The following GLIPR1L2 variants were observed in gnomAD, a reference collection of about 807,000 sequenced individuals.
The protein encoded by GLIPR1L2 is GLIPR1 like 2, also known as GLIPR1-like protein 2.
A neutral mutation model predicts 28.4 loss-of-function variants in GLIPR1L2; 21 were observed. That is an observed-to-expected ratio of 0.74 (90% confidence interval 0.52 to 1.06). The LOEUF (loss-of-function observed/expected upper bound fraction) is 1.06, where lower values mean the gene tolerates loss of function less well. Ranked by LOEUF, GLIPR1L2 falls within the 50% of genes least tolerant of loss-of-function variation. The pLI is 0.00. For synonymous variants in GLIPR1L2, 145 were observed against 139.3 expected (o/e 1.04, Z -0.29); for missense variants, 476 against 416.9 (o/e 1.14, Z -1.23).
chr12:75,424,514 T>C (rs2046013510), intron 4 of GLIPR1L2, among the ~76,000 whole-genome samples: 1 of 152,106 alleles, frequency 6.6e-6, no homozygotes, highest in African/African-American at 2.4e-5. Context: ...GGCATGATCA[T>C]AGCTCACTGT....
At position 75,422,916 on chromosome 12, in the gene GLIPR1L2, G is replaced by C. The variant is rs776067780; in HGVS notation, c.597G>C (p.Thr199=). The C allele has an allele frequency of 6.2e-7, 1 of 1,608,708 alleles. No homozygotes were observed. The highest frequency in any genetic ancestry group is 8.5e-7 in the Non-Finnish European group (1 of 1,178,536). Residue 199 remains threonine (T), a synonymous_variant, in exon 4 of 6, where the codon ACG becomes ACC. Coordinates refer to ENST00000550916, the MANE Select transcript of GLIPR1L2 (RefSeq NM_001270396.2). Reference sequence around the variant, plus strand: ...TTTTTGTTTGTAGAGGAACACTGACGAGAAGACCTTATGAACCAGGAATAT... The same window carrying C: ...TTTTTGTTTGTAGAGGAACACTGACCAGAAGACCTTATGAACCAGGAATAT... The part of the protein sequence containing the change: ...ICNYAPGGTL[T]RRPYEPGIFC...
intron 1 of GLIPR1L2, among the ~76,000 whole-genome samples, chr12:75,399,959 C>T (rs1179625752): frequency 6.6e-6 from 1 of 152,146 alleles, no homozygotes; most frequent in Non-Finnish European, 1.5e-5. Context: ...AATGGTATCC[C>T]TAAACGGTTA....
intron 1 of GLIPR1L2, among the ~76,000 whole-genome samples, chr12:75,405,990 T>C (rs2045794698): frequency 1.4e-5 from 2 of 147,396 alleles, no homozygotes; most frequent in Admixed American, 6.9e-5. Context: ...TAAGAAATTG[T>C]CAAAAGTTTT....
At chr12:75,416,300 G>A (rs979337082) in intron 3 of GLIPR1L2, among the ~76,000 whole-genome samples, 3 of 152,114 alleles carry the variant, frequency 2.0e-5, no homozygotes, top group Non-Finnish European at 2.9e-5. Context: ...ATGAGAAGCA[G>A]ATAGCCATAT....
At chr12:75,423,083 A>G (rs1306485670) in intron 4 of GLIPR1L2, 94 bp downstream of exon 4, 11 of 1,596,874 alleles carry the variant, frequency 6.9e-6, no homozygotes, top group Non-Finnish European at 9.4e-6. Context: ...TCATGTTAAT[A>G]TTATTCCTTT....
intron 2 of GLIPR1L2, among the ~76,000 whole-genome samples, chr12:75,411,214 T>C (rs2045863508): frequency 6.6e-6 from 1 of 151,912 alleles, no homozygotes; most frequent in South Asian, 2.1e-4. Flanking sequence ...TTAACAATAA[T>C]TTATTTATAT....
At chr12:75,413,286 G>A (rs2045889362) in intron 2 of GLIPR1L2, among the ~76,000 whole-genome samples, 1 of 151,338 alleles carries the variant, frequency 6.6e-6, no homozygotes, top group African/African-American at 2.4e-5. Context: ...CATGGCACAT[G>A]TATACATATG....
chr12:75,428,453 C>T lies in GLIPR1L2; in HGVS notation c.671-2262C>T, dbSNP rs1292961894. 8.5e-5 allele frequency among the ~76,000 whole-genome samples: 13 copies of T among 152,120 alleles called. No homozygotes were observed. In the East Asian group the frequency reaches 9.6e-4, roughly 11 times the overall value. On this transcript the variant is annotated intron_variant, in intron 4 of 5. Transcript: ENST00000550916. ...AGAGATGATCTGAAATTAAAACCTA[C>T]GTTTAAAAGGGAAGCAGAGCATAAA...
chr12:75,417,504 G>T (rs2045934980), intron 3 of GLIPR1L2, among the ~76,000 whole-genome samples: 1 of 152,118 alleles, frequency 6.6e-6, no homozygotes, highest in Non-Finnish European at 1.5e-5. Context: ...ATGCAGAATG[G>T]AAGAATAAAA....
intron 1 of GLIPR1L2, among the ~76,000 whole-genome samples, chr12:75,401,871 AACTG>A (rs1233743660): frequency 3.7e-4 from 56 of 152,256 alleles, no homozygotes; most frequent in African/African-American, 1.2e-3. Context: ...ATTTTACAGA[AACTG>A]ACTGACAATA....
At position 75,417,124 on chromosome 12, in the gene GLIPR1L2, A is replaced by G. The variant is rs146404566; in HGVS notation, c.584+3423A>G. 3.4e-3 allele frequency among the ~76,000 whole-genome samples: 515 copies of G among 152,224 alleles called. 5 individuals are homozygous for G. The highest frequency in any genetic ancestry group is 0.012 in the African/African-American group (485 of 41,538). On this transcript the variant is annotated intron_variant, in intron 3 of 5. Transcript: ENST00000550916. ...ATGGCAAAAGTGTGAATATTACCTA[A>G]TATGGCAAAGATGTGGTTAATATAA...
Position 75,391,160 on chromosome 12 carries a change from CCCT to C in GLIPR1L2, c.45_47del (p.Leu16del), listed in dbSNP as rs1324195062. 3 of 1,613,996 alleles carry C rather than the reference CCCT, an allele frequency of 1.9e-6. No individual in the cohort carries two copies. In the African/African-American group the frequency reaches 4.0e-5, roughly 22 times the overall value. On this transcript the variant is annotated inframe_deletion, in exon 1 of 6. Coordinates refer to ENST00000550916, the MANE Select transcript of GLIPR1L2 (RefSeq NM_001270396.2). ...TTCGCCCGGGAGTGGAGGGCCCAGT[CCCT>C]ACCCCTGGCAGTAGGGGGCGTTTTG...
intron 1 of GLIPR1L2, among the ~76,000 whole-genome samples, chr12:75,394,763 C>CAAAAATAAAAAAAAAA (rs2045664960): frequency 1.2e-5 from 1 of 80,258 alleles, no homozygotes; most frequent in African/African-American, 4.8e-5. Context: ...TGTATTTCTG[C>CAAAAATAAAAAAAAAA]AAAAAAAAAA....
At chr12:75,429,456 GCTTATAGATGGAAGGGACTTGT>G (rs1403443751) in intron 4 of GLIPR1L2, among the ~76,000 whole-genome samples, 1 of 152,148 alleles carries the variant, frequency 6.6e-6, no homozygotes. Context: ...GATTTTACAA[GCTTATAGATGGAAGGGACTTGT>G]CTTGTCTCAG....
At chr12:75,426,179 A>G (rs2139965607) in intron 4 of GLIPR1L2, among the ~76,000 whole-genome samples, 1 of 152,358 alleles carries the variant, frequency 6.6e-6, no homozygotes, top group East Asian at 1.9e-4. Flanking sequence ...AAAATAGTCA[A>G]CACAGTAGAC....
chr12:75,423,953 T>C (rs1166598238), intron 4 of GLIPR1L2: 4 of 152,222 alleles, frequency 2.6e-5, no homozygotes, highest in African/African-American at 9.6e-5. Context: ...ACACTTTCTT[T>C]ATCCAGTCTA....
At chr12:75,423,069 A>G (rs2045995169) in intron 4 of GLIPR1L2, 80 bp downstream of exon 4, 2 of 1,603,862 alleles carry the variant, frequency 1.2e-6, no homozygotes, top group African/African-American at 1.3e-5. Context: ...CTAGTTTTTT[A>G]TGGTCATGTT....
intron 4 of GLIPR1L2, among the ~76,000 whole-genome samples, chr12:75,429,810 T>A (rs2046071982): frequency 6.6e-6 from 1 of 152,116 alleles, no homozygotes; most frequent in African/African-American, 2.4e-5. Context: ...TCACTCTCCC[T>A]CCTGCCACCA....
intron 4 of GLIPR1L2, among the ~76,000 whole-genome samples, chr12:75,426,348 T>C (rs1473915131): frequency 6.6e-6 from 1 of 152,222 alleles, no homozygotes; most frequent in Non-Finnish European, 1.5e-5. Flanking sequence ...ACATAGGAAA[T>C]ACAGTTTATC....
Sources: gnomAD v4.1 joint callset for allele counts (sites outside exome capture counted in the v4.1 genomes callset) on GRCh38, gnomAD v4.1.1 for gene constraint, MANE v1.5 for transcripts, NCBI Gene and HGNC (gene_info 2026-07-23, HGNC 2026-07-21) for gene names.